Variants in SIMC1 observed in about 807,000 individuals in gnomAD.
SIMC1 encodes SUMO-interacting motif-containing protein 1.
Under a neutral mutation model 82.3 loss-of-function variants are expected in SIMC1, and 55 were observed. The ratio of observed to expected loss-of-function variants is 0.67; its 90% confidence interval spans 0.54 to 0.84. SIMC1 has a LOEUF of 0.84. Among genes scored for constraint, SIMC1 ranks in the 40% least tolerant of loss-of-function variants. The pLI, the probability that SIMC1 is intolerant of heterozygous loss-of-function variation, is 0.00. For synonymous variants in SIMC1, 353 were observed against 426.3 expected (o/e 0.83, Z 2.12); for missense variants, 915 against 1,107.2 (o/e 0.83, Z 2.46).
intron 1 of SIMC1, among the ~76,000 whole-genome samples, chr5:176,276,578 C>T (rs1762711740): frequency 7.0e-6 from 1 of 143,842 alleles, no homozygotes. Context: ...GGTATATCTC[C>T]CAATGCTATC....
intron 4 of SIMC1, chr5:176,313,386 A>T (rs1164905943): frequency 6.5e-7 from 1 of 1,534,186 alleles, no homozygotes. Context: ...TAGATATCTG[A>T]TTGCAGCTTA....
intron 7 of SIMC1, among the ~76,000 whole-genome samples, chr5:176,329,054 A>G (rs1228754023): frequency 1.3e-5 from 2 of 152,206 alleles, no homozygotes; most frequent in African/African-American, 4.8e-5. Context: ...CAAATAGGAA[A>G]TTTACATTGG....
At chr5:176,294,641 T>A (rs1188548525) in intron 2 of SIMC1, among the ~76,000 whole-genome samples, 1 of 151,368 alleles carries the variant, frequency 6.6e-6, no homozygotes, top group Non-Finnish European at 1.5e-5. Flanking sequence ...ATCTTCAACG[T>A]ATTCTAGAAC....
chr5:176,323,689 C>T (rs1052472573), intron 6 of SIMC1, among the ~76,000 whole-genome samples: 5 of 152,146 alleles, frequency 3.3e-5, no homozygotes, highest in Non-Finnish European at 5.9e-5. Flanking sequence ...TTTCTTCCAT[C>T]ACAGATAACA....
chr5:176,338,658 G>A (rs1303830117), intron 9 of SIMC1, among the ~76,000 whole-genome samples: 1 of 151,944 alleles, frequency 6.6e-6, no homozygotes, highest in East Asian at 1.9e-4. Context: ...AATAGTGAGG[G>A]AAAAAAGTAT....
chr5:176,247,653 T>A (rs1761494132), intron 1 of SIMC1, among the ~76,000 whole-genome samples: 1 of 152,128 alleles, frequency 6.6e-6, no homozygotes, highest in Non-Finnish European at 1.5e-5. Context: ...TGCCATTGCT[T>A]TTGGTGTTTT....
rs139531704 is a variant in SIMC1, at chr5:176,339,866, G to A, written c.2413+2720G>A. Among the ~76,000 whole-genome samples, 3 of 152,292 alleles carry A rather than the reference G, an allele frequency of 2.0e-5. No homozygotes were observed. The East Asian group carries it at 5.8e-4, about 29-fold the overall frequency. ...ACATTGTCCTGCAAAGAACACAGCC[G>A]AATGGTACCCAGCAATAGTCAGCGT... is the stretch of plus-strand genomic sequence containing the variant. On this transcript the variant is annotated intron_variant, in intron 9 of 9. Transcript: ENST00000429602.
intron 9 of SIMC1, among the ~76,000 whole-genome samples, chr5:176,341,354 G>C (rs1236984978): frequency 6.6e-6 from 1 of 152,234 alleles, no homozygotes; most frequent in East Asian, 1.9e-4. Flanking sequence ...ATAGTCCATG[G>C]AGGAGGTTGT....
At position 176,306,072 on chromosome 5, in the gene SIMC1, C is replaced by T. The variant is rs529205714; in HGVS notation, c.1735-7619C>T. Among the ~76,000 whole-genome samples the T allele has an allele frequency of 2.6e-3, 175 of 66,222 alleles. 4 individuals carry two copies. The highest frequency in any genetic ancestry group is 6.2e-3 in the Admixed American group (43 of 6,894). 43.4% of individuals were successfully genotyped at this position (66,222 alleles called of 152,430 possible). ...CCCCCGCCCGGCCAGCCGCTCCGTC[C>T]GGGAGGTGAGGGGCGCCTCTGCCCG... is the stretch of plus-strand genomic sequence containing the variant. On this transcript the variant is annotated intron_variant, in intron 4 of 9. Transcript: ENST00000429602.
chr5:176,308,879 T>TGCAGTCAGATGTCA, intron 4 of SIMC1: 1 of 1,330,876 alleles, frequency 7.5e-7, no homozygotes, highest in South Asian at 1.2e-5. Flanking sequence ...CAAGAATCTG[T>TGCAGTCAGATGTCA]GCAGTCAGAT....
intron 9 of SIMC1, among the ~76,000 whole-genome samples, chr5:176,344,853 A>G (rs905085951): frequency 1.3e-5 from 2 of 152,204 alleles, no homozygotes; most frequent in Non-Finnish European, 2.9e-5. Flanking sequence ...CTCATGTTAA[A>G]TACTATTGGC....
chr5:176,285,729 T>C (rs1367737642), intron 1 of SIMC1, among the ~76,000 whole-genome samples: 2 of 151,990 alleles, frequency 1.3e-5, no homozygotes, highest in Non-Finnish European at 2.9e-5. Context: ...GATTGTATAT[T>C]TAGAAAACCC....
chr5:176,252,639 G>A lies in SIMC1; in HGVS notation c.129+14002G>A, dbSNP rs939814521. Reference sequence around the variant, plus strand: ...GATGGGATGGCGGCCGGGCAGAGACGCTCCTCACTTTCCAGACTGGGCAGC... The same window carrying A: ...GATGGGATGGCGGCCGGGCAGAGACACTCCTCACTTTCCAGACTGGGCAGC... On this transcript the variant is annotated intron_variant, in intron 1 of 9. Transcript: ENST00000429602. Among the ~76,000 whole-genome samples the A allele has an allele frequency of 8.7e-5, 13 of 149,740 alleles. No individual in the cohort carries two copies. The South Asian group carries it at 2.1e-3, about 25-fold the overall frequency.
At chr5:176,342,753 G>A (rs1388252263) in intron 9 of SIMC1, among the ~76,000 whole-genome samples, 1 of 152,174 alleles carries the variant, frequency 6.6e-6, no homozygotes, top group Non-Finnish European at 1.5e-5. Flanking sequence ...TGGCTAGAGT[G>A]GGCTGCTTCC....
intron 4 of SIMC1, among the ~76,000 whole-genome samples, chr5:176,300,315 A>T (rs112625874): frequency 6.6e-5 from 10 of 152,264 alleles, no homozygotes; most frequent in African/African-American, 1.9e-4. Flanking sequence ...TGGGGTTTTT[A>T]AACATTTCAT....
intron 1 of SIMC1, among the ~76,000 whole-genome samples, chr5:176,283,787 A>G (rs1459800129): frequency 6.6e-6 from 1 of 152,208 alleles, no homozygotes; most frequent in Admixed American, 6.5e-5. Flanking sequence ...CCCATCTCAC[A>G]TGCAGAGGCA....
chr5:176,324,864 G>C, intron 7 of SIMC1, 107 bp downstream of exon 7: 2 of 1,288,634 alleles, frequency 1.6e-6, no homozygotes, highest in East Asian at 5.3e-5. Flanking sequence ...CTACCTGTCA[G>C]GAACAGAATT....
Position 176,322,333 on chromosome 5 carries a change from T to G in SIMC1, c.1950T>G (p.Asn650Lys), listed in dbSNP as rs1439714475. Residue 650 changes from asparagine to lysine, a missense_variant, in exon 6 of 10, where the codon AAT becomes AAG. Physicochemically the swap from Asn to Lys is moderately conservative, Grantham distance 94. Transcript: ENST00000429602. ...AAGATGGATTGACTCAGCCCCCAAA[T>G]GGAAATCAAACGTCTTCAGGAACAG... The part of the protein sequence containing the change: ...VTEDGLTQPP[N>K]GNQTSSGTGI... The G allele has an allele frequency of 1.3e-6, 2 of 1,592,636 alleles. No individual in the cohort carries two copies. The highest frequency in any genetic ancestry group is 1.3e-5 in the African/African-American group (1 of 74,544).
At chr5:176,344,088 C>G (rs930232245) in intron 9 of SIMC1, among the ~76,000 whole-genome samples, 5 of 152,180 alleles carry the variant, frequency 3.3e-5, no homozygotes, top group African/African-American at 9.7e-5. Context: ...TGAGCCACCA[C>G]AGCCTGCCAT....
Sources: allele counts gnomAD v4.1 joint callset (sites outside exome capture counted in the v4.1 genomes callset), GRCh38; gene constraint gnomAD v4.1.1; transcripts MANE v1.5; gene names NCBI Gene and HGNC (gene_info 2026-07-23, HGNC 2026-07-21).